THADA: variants seen among roughly 807,000 people sequenced by gnomAD.
THADA encodes tRNA (32-2'-O)-methyltransferase regulator THADA.
Under a neutral mutation model 219.8 loss-of-function variants are expected in THADA, and 213 were observed. The observed-to-expected ratio is 0.97, with a 90% confidence interval of 0.87 to 1.09. The LOEUF (loss-of-function observed/expected upper bound fraction) is 1.09, where lower values mean the gene tolerates loss of function less well. THADA is among the 50% of genes least tolerant of loss of function. The pLI is 0.00. For synonymous variants in THADA, 1,018 were observed against 828.9 expected, an observed-to-expected ratio of 1.23 and a Z score of -3.92; for missense variants, 2,956 against 2,311.3, an observed-to-expected ratio of 1.28 and a Z score of -5.72.
intron 23 of THADA, among the ~76,000 whole-genome samples, chr2:43,507,206 A>G (rs554458136): frequency 6.6e-6 from 1 of 152,344 alleles, no homozygotes; most frequent in South Asian, 2.1e-4. Flanking sequence ...GCTACATTCA[A>G]TTACTAAAAT....
At position 43,572,947 on chromosome 2, in the gene THADA, C is replaced by A; in HGVS notation, c.1775G>T (p.Gly592Val). Residue 592 changes from glycine (G) to valine (V), a missense_variant, in exon 12 of 38, where the codon GGG becomes GTG. Coordinates refer to ENST00000405975, the MANE Select transcript of THADA (RefSeq NM_022065.5). ...ACATGCCATCAAAGCTCCCAGAGCC[C>A]CCCTGCTATTACAAGACCCTAAGGA... Reference protein sequence around the residue: ...FPSLGSCNSRGALGALMACLR... With the variant: ...FPSLGSCNSRVALGALMACLR... The A allele has an allele frequency of 6.2e-7, 1 of 1,613,888 alleles. No homozygotes were observed.
intron 25 of THADA, among the ~76,000 whole-genome samples, chr2:43,489,976 T>A (rs1285033932): frequency 6.6e-6 from 1 of 151,822 alleles, no homozygotes; most frequent in Non-Finnish European, 1.5e-5. Context: ...AATAGTTAAG[T>A]CTTCCAGTGA....
chr2:43,570,546 A>G (rs763431296), intron 13 of THADA, 36 bp from the exon 14 acceptor site: 1 of 1,582,252 alleles, frequency 6.3e-7, no homozygotes, highest in Non-Finnish European at 8.6e-7. Context: ...CAGGTGAGCC[A>G]CACATTAAAT....
At chr2:43,470,105 G>A (rs1684724836) in intron 26 of THADA, among the ~76,000 whole-genome samples, 1 of 151,744 alleles carries the variant, frequency 6.6e-6, no homozygotes, top group East Asian at 1.9e-4. Context: ...ACTACTTGGG[G>A]GCTGAGGCAA....
At chr2:43,503,664 A>G (rs1017394019) in intron 24 of THADA, among the ~76,000 whole-genome samples, 1 of 152,168 alleles carries the variant, frequency 6.6e-6, no homozygotes, top group Non-Finnish European at 1.5e-5. Context: ...ATACTGAAAT[A>G]TTTCAAAGAT....
chr2:43,398,362 T>C (rs187999792), intron 28 of THADA, among the ~76,000 whole-genome samples: 165 of 152,284 alleles, frequency 1.1e-3, no homozygotes, highest in Admixed American at 2.1e-3. Context: ...ATCATGGAGA[T>C]TAAATGTAGA....
chr2:43,586,672 C>A, intron 6 of THADA, 30 bp downstream of exon 6: 2 of 1,599,888 alleles, frequency 1.3e-6, no homozygotes, highest in South Asian at 1.1e-5. Context: ...GCCATCAACT[C>A]ATGGAACAAA....
At chr2:43,434,602 C>T (rs893806494) in intron 26 of THADA, among the ~76,000 whole-genome samples, 10 of 152,238 alleles carry the variant, frequency 6.6e-5, no homozygotes, top group South Asian at 2.1e-4. Context: ...AGCAGGCCAT[C>T]GACTGGCGAA....
chr2:43,507,283 C>G (rs187656966), intron 23 of THADA, among the ~76,000 whole-genome samples: 12 of 152,260 alleles, frequency 7.9e-5, no homozygotes. Flanking sequence ...CTTGCCAAGG[C>G]TAGGGTAAGA....
intron 24 of THADA, among the ~76,000 whole-genome samples, chr2:43,501,167 G>A (rs1329200492): frequency 2.0e-5 from 3 of 151,352 alleles, no homozygotes; most frequent in Non-Finnish European, 4.4e-5. Flanking sequence ...TTAGCTGGGC[G>A]TGGTGGTGCA....
intron 9 of THADA, among the ~76,000 whole-genome samples, 199 bp downstream of exon 9, chr2:43,578,314 C>CTT (rs34796084): frequency 1.6e-4 from 22 of 141,722 alleles, no homozygotes; most frequent in South Asian, 4.5e-4. Context: ...AGCAAATTTT[C>CTT]TTTTTTTTTT....
At chr2:43,452,002 G>A (rs974379103) in intron 26 of THADA, among the ~76,000 whole-genome samples, 4 of 152,184 alleles carry the variant, frequency 2.6e-5, no homozygotes, top group Non-Finnish European at 4.4e-5. Context: ...AGCTACTCGG[G>A]AGGCTGAGGC....
chr2:43,259,866 G>A (rs998311747), intron 36 of THADA, among the ~76,000 whole-genome samples: 1 of 152,090 alleles, frequency 6.6e-6, no homozygotes, highest in African/African-American at 2.4e-5. Context: ...TGGCTCAATT[G>A]GCATACACAT....
At chr2:43,302,398 C>G (rs559287760) in intron 31 of THADA, among the ~76,000 whole-genome samples, 1 of 151,978 alleles carries the variant, frequency 6.6e-6, no homozygotes, top group South Asian at 2.1e-4. Flanking sequence ...AACTCAGCCA[C>G]TCAAGTATGT....
chr2:43,246,615 G>A (rs1178557455), intron 36 of THADA, among the ~76,000 whole-genome samples: 1 of 152,176 alleles, frequency 6.6e-6, no homozygotes, highest in Non-Finnish European at 1.5e-5. Context: ...ACAGTTTATG[G>A]TAATGCAATG....
chr2:43,462,788 A>G (rs745755928), intron 26 of THADA, among the ~76,000 whole-genome samples: 22 of 152,278 alleles, frequency 1.4e-4, no homozygotes, highest in South Asian at 4.1e-4. Flanking sequence ...CAAAATCACA[A>G]AACAAAAAGC....
At chr2:43,528,750 T>C (rs1207894604) in intron 21 of THADA, among the ~76,000 whole-genome samples, 1 of 152,218 alleles carries the variant, frequency 6.6e-6, no homozygotes, top group African/African-American at 2.4e-5. Flanking sequence ...CTCACACACA[T>C]AGGTCTAGGT....
At chr2:43,516,247 T>C (rs573817824) in intron 22 of THADA, among the ~76,000 whole-genome samples, 3 of 152,284 alleles carry the variant, frequency 2.0e-5, no homozygotes, top group East Asian at 1.9e-4. Flanking sequence ...TTTTAAAAGA[T>C]GAGATCATGT....
intron 36 of THADA, among the ~76,000 whole-genome samples, chr2:43,263,829 C>A (rs557854165): frequency 6.6e-6 from 1 of 152,258 alleles, no homozygotes; most frequent in African/African-American, 2.4e-5. Flanking sequence ...CACCTATTAA[C>A]CCATCACCTA....
Sources: allele counts gnomAD v4.1 joint callset (sites outside exome capture counted in the v4.1 genomes callset), GRCh38; gene constraint gnomAD v4.1.1; transcripts MANE v1.5; gene names NCBI Gene and HGNC (gene_info 2026-07-23, HGNC 2026-07-21).